The following ZNF521 variants were observed in gnomAD, a reference collection of about 807,000 sequenced individuals.
The protein encoded by ZNF521 is LYST-interacting protein 3.
Under a neutral mutation model 105.5 loss-of-function variants are expected in ZNF521, and 14 were observed. The ratio of observed to expected loss-of-function variants is 0.13; its 90% CI spans 0.09 to 0.21. The LOEUF is 0.21. Among genes scored for constraint, ZNF521 ranks in the 10% least tolerant of loss-of-function variants. ZNF521 has a pLI of 1.00. For missense variants in ZNF521, 1,233 were observed against 1,629.7 expected (o/e 0.76, Z 4.19); for synonymous variants, 635 against 606.0 (o/e 1.05, Z -0.70).
intron 3 of ZNF521, among the ~76,000 whole-genome samples, chr18:25,232,319 G>C (rs1368368743): frequency 6.6e-6 from 1 of 152,198 alleles, no homozygotes; most frequent in African/African-American, 2.4e-5. Flanking sequence ...ACAAAGACTA[G>C]TGAATGTTTC....
intron 7 of ZNF521, among the ~76,000 whole-genome samples, chr18:25,089,102 T>A (rs1567956749): frequency 6.6e-6 from 1 of 152,184 alleles, no homozygotes; most frequent in East Asian, 1.9e-4. Flanking sequence ...AACCTGGACA[T>A]CCACCCAGCT....
intron 5 of ZNF521, among the ~76,000 whole-genome samples, chr18:25,117,253 A>T (rs2144330984): frequency 6.6e-6 from 1 of 151,872 alleles, no homozygotes; most frequent in African/African-American, 2.4e-5. Context: ...AAATAGAGAG[A>T]GTGCTGACAT....
intron 3 of ZNF521, among the ~76,000 whole-genome samples, chr18:25,280,972 C>T (rs1403557960): frequency 6.6e-6 from 1 of 152,184 alleles, no homozygotes; most frequent in African/African-American, 2.4e-5. Flanking sequence ...CTCATACTAT[C>T]AATTCCTTGC....
In ZNF521 at chr18:25,226,259, T is replaced by A; in HGVS notation, c.1659A>T (p.Lys553Asn). Reference protein sequence around the residue: ...RFGSPVLGTPKEPVVEVYSCS... With the variant: ...RFGSPVLGTPNEPVVEVYSCS... ...AAGAATAGACTTCTACTACTGGTTCTTTGGGAGTCCCAAGCACTGGAGACC... is the reference window on the plus strand; with the variant it reads ...AAGAATAGACTTCTACTACTGGTTCATTGGGAGTCCCAAGCACTGGAGACC... The change falls in exon 4 of 8, where the codon AAA becomes AAT. Residue 553 changes from lysine to asparagine, a missense_variant. By Grantham distance (94) the Lys-to-Asn change is moderately conservative (BLOSUM62 0). Transcript: ENST00000361524. The surrounding 1 kb of genome is among the most constrained non-coding windows in gnomAD (Gnocchi z 4.1). 6.2e-7 allele frequency: 1 copy of A among 1,614,200 alleles called. No individual in the cohort carries two copies. Among genetic ancestry groups the A allele is most frequent in the Non-Finnish European group, 8.5e-7 (1 of 1,180,014 alleles).
At chr18:25,250,513 A>T (rs1908040998) in intron 3 of ZNF521, among the ~76,000 whole-genome samples, 1 of 152,228 alleles carries the variant, frequency 6.6e-6, no homozygotes. Context: ...AATGACTGCA[A>T]TATGCATGAA....
chr18:25,137,343 T>C (rs1279057301), intron 5 of ZNF521, among the ~76,000 whole-genome samples: 2 of 152,134 alleles, frequency 1.3e-5, no homozygotes, highest in Admixed American at 6.6e-5. Context: ...CAGTATCACC[T>C]CGGGCAAAGG....
At chr18:25,255,588 A>G (rs893785403) in intron 3 of ZNF521, among the ~76,000 whole-genome samples, 1 of 152,116 alleles carries the variant, frequency 6.6e-6, no homozygotes, top group Non-Finnish European at 1.5e-5. Context: ...CAATATTGTA[A>G]CACATTTGCT....
chr18:25,203,103 G>T (rs1303362802), intron 4 of ZNF521, among the ~76,000 whole-genome samples: 1 of 152,072 alleles, frequency 6.6e-6, no homozygotes, highest in East Asian at 1.9e-4. Flanking sequence ...ATGTGATTGG[G>T]GAAATAAAAC....
intron 5 of ZNF521, among the ~76,000 whole-genome samples, chr18:25,160,124 T>A (rs2035223684): frequency 6.6e-6 from 1 of 152,204 alleles, no homozygotes; most frequent in South Asian, 2.1e-4. Context: ...TTAGGCACAA[T>A]CTGGATTAGC....
intron 5 of ZNF521, among the ~76,000 whole-genome samples, chr18:25,121,952 G>A (rs1256050013): frequency 6.6e-6 from 1 of 151,892 alleles, no homozygotes; most frequent in Admixed American, 6.6e-5. Context: ...AAAGAAGCAG[G>A]AAAATGCAAC....
chr18:25,185,860 A>G (rs1600132131), intron 5 of ZNF521, among the ~76,000 whole-genome samples: 1 of 152,208 alleles, frequency 6.6e-6, no homozygotes, highest in African/African-American at 2.4e-5. Flanking sequence ...TCCCAAATTA[A>G]TCTGGATTAA....
At chr18:25,311,721 C>T (rs936463223) in intron 3 of ZNF521, among the ~76,000 whole-genome samples, 2 of 152,138 alleles carry the variant, frequency 1.3e-5, no homozygotes, top group Admixed American at 6.5e-5. Context: ...GATATTCTCC[C>T]ATGGCTTGTG....
At chr18:25,275,860 G>C (rs1224563629) in intron 3 of ZNF521, among the ~76,000 whole-genome samples, 1 of 152,136 alleles carries the variant, frequency 6.6e-6, no homozygotes, top group Non-Finnish European at 1.5e-5. Flanking sequence ...ACCAGCATAC[G>C]CAGTGATCCA....
chr18:25,106,368 C>G (rs969034221), intron 5 of ZNF521, among the ~76,000 whole-genome samples: 5 of 151,892 alleles, frequency 3.3e-5, no homozygotes, highest in African/African-American at 1.2e-4. Flanking sequence ...TTGGGGTTAA[C>G]AAAAACAAAC....
chr18:25,151,356 G>A (rs1472687377), intron 5 of ZNF521, among the ~76,000 whole-genome samples: 1 of 152,136 alleles, frequency 6.6e-6, no homozygotes, highest in African/African-American at 2.4e-5. Context: ...TCTTAGGCAT[G>A]TTCATTTAAT....
intron 3 of ZNF521, among the ~76,000 whole-genome samples, chr18:25,288,021 A>G (rs1177120979): frequency 6.6e-6 from 1 of 152,166 alleles, no homozygotes; most frequent in Non-Finnish European, 1.5e-5. Context: ...CTCAGAAAAG[A>G]TATAATACTG....
chr18:25,113,689 G>T (rs2034241555), intron 5 of ZNF521, among the ~76,000 whole-genome samples: 1 of 151,708 alleles, frequency 6.6e-6, no homozygotes, highest in Admixed American at 6.6e-5. Flanking sequence ...GAGAGAACGA[G>T]GAAGTGGGAG....
intron 5 of ZNF521, among the ~76,000 whole-genome samples, chr18:25,177,342 A>C (rs932112636): frequency 6.6e-6 from 1 of 152,190 alleles, no homozygotes; most frequent in Admixed American, 6.5e-5. Context: ...TGTGGGAGGC[A>C]GGAGACCTCT....
rs1567968550 is a variant in ZNF521 at position 25,116,918 on chromosome 18, T to TATATGTATATATATA, written c.3659-24838_3659-24837insTATATATATACATAT. 3.2e-3 allele frequency among the ~76,000 whole-genome samples: 450 copies of TATATGTATATATATA among 139,320 alleles called. 4 individuals carry two copies. The highest frequency in any genetic ancestry group is 0.01 in the African/African-American group (356 of 34,928). The allele number at this position is 139,320 out of a possible 152,430, so 91.4% of individuals were successfully genotyped here. A position where few individuals can be genotyped will look rare whatever the true frequency, so the allele number is the denominator to read the frequency against. On this transcript the variant is annotated intron_variant, in intron 5 of 7. Transcript: ENST00000361524. ...ATATATATGTGTATATATACGTATA[T>TATATGTATATATATA]CTATGTATATATATACGTATATATA...
Sources: allele counts gnomAD v4.1 joint callset (sites outside exome capture counted in the v4.1 genomes callset), GRCh38; gene constraint gnomAD v4.1.1; non-coding constraint Gnocchi (gnomAD v3.1); transcripts MANE v1.5; gene names NCBI Gene and HGNC (gene_info 2026-07-23, HGNC 2026-07-21).